Variants in CLASP2 observed in about 807,000 individuals in gnomAD.
CLASP2 encodes cytoplasmic linker associated protein 2, also known as CLIP-associating protein 2.
In CLASP2, 47 loss-of-function variants were observed where a neutral mutation model predicts 194.4. The ratio of observed to expected loss-of-function variants is 0.24; its 90% CI spans 0.19 to 0.31. The LOEUF (loss-of-function observed/expected upper bound fraction) is 0.31, where lower values mean the gene tolerates loss of function less well. Ranked by LOEUF, CLASP2 falls within the 10% of genes least tolerant of loss-of-function variation. The probability of loss-of-function intolerance (pLI) is 1.00; values close to 1 mark genes in which losing one functional copy is unlikely to be tolerated. For synonymous variants in CLASP2, 619 were observed against 633.5 expected (o/e 0.98, Z 0.34); for missense variants, 1,445 against 1,823.6 (o/e 0.79, Z 3.78).
At chr3:33,572,965 A>C (rs2064104203) in intron 25 of CLASP2, 145 bp downstream of exon 25, 3 of 828,898 alleles carry the variant, frequency 3.6e-6, no homozygotes, top group Non-Finnish European at 5.5e-6. Context: ...AAAAGACTGA[A>C]GCTTTGGAAA....
intron 24 of CLASP2, 183 bp from the exon 25 acceptor site, chr3:33,573,537 T>C: frequency 1.4e-6 from 1 of 700,546 alleles, no homozygotes; most frequent in Admixed American, 2.2e-5. Context: ...TAGAAGTTAG[T>C]AGAAGGTAAA....
In CLASP2 at chr3:33,531,146, T is replaced by C. The variant is rs150592779; in HGVS notation, c.3787+4087A>G. On this transcript the variant is annotated intron_variant, in intron 34 of 38. Coordinates refer to ENST00000682230, the MANE Select transcript of CLASP2 (RefSeq NM_001365631.1). ...TAAAGACAGACACATAGAACAAGAA[T>C]AGAATATACAGCCCCCAAAGGCACA... Among the ~76,000 whole-genome samples, 100 of 152,070 alleles carry C rather than the reference T, an allele frequency of 6.6e-4. No individual in the cohort carries two copies. The East Asian group carries it at 0.017, about 26-fold the overall frequency.
At chr3:33,672,560 A>G (rs1043957747) in intron 6 of CLASP2, among the ~76,000 whole-genome samples, 7 of 152,234 alleles carry the variant, frequency 4.6e-5, no homozygotes, top group African/African-American at 1.7e-4. Context: ...AAAGGAACGC[A>G]GTTCCTCACC....
At chr3:33,674,497 T>G (rs998316759) in intron 6 of CLASP2, among the ~76,000 whole-genome samples, 2 of 150,872 alleles carry the variant, frequency 1.3e-5, no homozygotes, top group Non-Finnish European at 1.5e-5. Flanking sequence ...AGATCCAAAA[T>G]TGACACCCTA....
At chr3:33,518,560 T>C (rs2052088438) in intron 34 of CLASP2, among the ~76,000 whole-genome samples, 1 of 152,206 alleles carries the variant, frequency 6.6e-6, no homozygotes, top group African/African-American at 2.4e-5. Flanking sequence ...ACAAGAACTA[T>C]TGCCAGCAGG....
intron 37 of CLASP2, among the ~76,000 whole-genome samples, chr3:33,507,328 T>A (rs955381362): frequency 5.9e-5 from 9 of 152,214 alleles, no homozygotes; most frequent in African/African-American, 2.2e-4. Flanking sequence ...ATTTGGCAGT[T>A]TTCCTCATAG....
At chr3:33,604,359 C>G (rs1157677951) in intron 16 of CLASP2, 150 bp from the exon 17 acceptor site, 1 of 626,072 alleles carries the variant, frequency 1.6e-6, no homozygotes, top group Non-Finnish European at 2.8e-6. Context: ...GCTGTGTCAC[C>G]CAGGCTACAG....
intron 7 of CLASP2, among the ~76,000 whole-genome samples, chr3:33,657,845 T>C (rs1431753759): frequency 1.3e-5 from 2 of 152,170 alleles, no homozygotes; most frequent in Non-Finnish European, 2.9e-5. Flanking sequence ...CATTTTGATA[T>C]ATTTGTATCC....
Position 33,535,412 on chromosome 3 carries a change from G to T in CLASP2, c.3608C>A (p.Thr1203Asn), listed in dbSNP as rs938636647. 1 of 1,613,880 alleles carries T rather than the reference G, an allele frequency of 6.2e-7. No individual in the cohort carries two copies. Among genetic ancestry groups the T allele is most frequent in the Admixed American group, 1.7e-5 (1 of 60,002 alleles). ...ATCAAGAGCTGTTTGACTTGAGTCAGTAGCATCACCTCCTGCTCTTGGGTC... is the reference window on the plus strand; with the variant it reads ...ATCAAGAGCTGTTTGACTTGAGTCATTAGCATCACCTCCTGCTCTTGGGTC... ...MSDPRAGGDA[T>N]DSSQTALDNK... The change falls in exon 34 of 39, where the codon ACT (threonine) becomes AAT (asparagine). Residue 1203 changes from threonine (T) to asparagine (N), a missense_variant. Physicochemically the swap from Thr to Asn is moderately conservative, Grantham distance 65 (BLOSUM62 0). Around this residue, in one of 4 missense-constraint regions of CLASP2, gnomAD observed 732 missense variants for 987.9 expected, o/e 0.74. Coordinates refer to ENST00000682230, the MANE Select transcript of CLASP2 (RefSeq NM_001365631.1).
chr3:33,539,888 G>A (rs1211317783), intron 32 of CLASP2, among the ~76,000 whole-genome samples: 1 of 150,692 alleles, frequency 6.6e-6, no homozygotes, highest in African/African-American at 2.4e-5. Flanking sequence ...AAATTTGTAA[G>A]AAGATAGAGG....
Position 33,687,068 on chromosome 3 carries a change from T to TG in CLASP2, c.537dup (p.Asn180GlnfsTer17). ...TGTAAATAAAATTTTACCTGACTGTTGGAGTCTCCAAACAGGATACACAAA... is the reference window on the plus strand; with the variant it reads ...TGTAAATAAAATTTTACCTGACTGTTGGGAGTCTCCAAACAGGATACACAAA... On this transcript the variant is annotated frameshift_variant, in exon 5 of 39. Coordinates refer to ENST00000682230, the MANE Select transcript of CLASP2 (RefSeq NM_001365631.1). LOFTEE classifies it high-confidence loss of function. 1 of 1,587,650 alleles carries TG rather than the reference T, an allele frequency of 6.3e-7. No homozygotes were observed. Among genetic ancestry groups the TG allele is most frequent in the Non-Finnish European group, 8.6e-7 (1 of 1,165,920 alleles).
chr3:33,707,748 TG>T (rs1201944341), intron 1 of CLASP2, among the ~76,000 whole-genome samples: 1 of 152,142 alleles, frequency 6.6e-6, no homozygotes, highest in African/African-American at 2.4e-5. Context: ...GAAAAACAGA[TG>T]GAACAGTCAA....
At chr3:33,586,676 A>G (rs1451511764) in intron 21 of CLASP2, among the ~76,000 whole-genome samples, 1 of 152,224 alleles carries the variant, frequency 6.6e-6, no homozygotes, top group Non-Finnish European at 1.5e-5. Context: ...ATCTAAATGT[A>G]GATTCAGAAA....
chr3:33,550,079 A>G (rs2059761283), intron 30 of CLASP2, among the ~76,000 whole-genome samples: 1 of 152,078 alleles, frequency 6.6e-6, no homozygotes, highest in African/African-American at 2.4e-5. Flanking sequence ...ATAATTCACC[A>G]GAAAAGAAAG....
chr3:33,670,689 G>C (rs1182187450), intron 6 of CLASP2, among the ~76,000 whole-genome samples: 1 of 152,090 alleles, frequency 6.6e-6, no homozygotes, highest in Non-Finnish European at 1.5e-5. Context: ...CCAGTGCCAG[G>C]GTAGGAAAAC....
intron 10 of CLASP2, among the ~76,000 whole-genome samples, chr3:33,625,561 CTCTT>C (rs1377341295): frequency 2.0e-5 from 3 of 148,346 alleles, no homozygotes; most frequent in African/African-American, 4.9e-5. Flanking sequence ...TATGATCTCT[CTCTT>C]TTTTTTTTTT....
chr3:33,509,794 A>G lies in CLASP2; in HGVS notation c.4317+764T>C, dbSNP rs761127987. ...TTATAAAACACATCTCATTTTTGTT[A>G]AAATGTTTCTATGATGGGGTTTATG... On this transcript the variant is annotated intron_variant, in intron 37 of 38. Coordinates refer to ENST00000682230, the MANE Select transcript of CLASP2 (RefSeq NM_001365631.1). Among the ~76,000 whole-genome samples, 76 of 152,194 alleles carry G rather than the reference A, an allele frequency of 5.0e-4. 1 individual carries two copies. Among genetic ancestry groups the G allele is most frequent in the Non-Finnish European group, 2.6e-4 (18 of 68,030 alleles).
At chr3:33,539,135 C>T (rs1232599823) in intron 32 of CLASP2, among the ~76,000 whole-genome samples, 193 bp from the exon 33 acceptor site, 1 of 152,090 alleles carries the variant, frequency 6.6e-6, no homozygotes, top group African/African-American at 2.4e-5. Flanking sequence ...CCAAGGACAC[C>T]TTACAGTTAC....
intron 6 of CLASP2, among the ~76,000 whole-genome samples, chr3:33,670,862 T>A (rs1490121653): frequency 2.0e-5 from 3 of 152,160 alleles, no homozygotes; most frequent in Non-Finnish European, 2.9e-5. Context: ...CAAAATCCTA[T>A]CATGTTTCCA....
Sources: allele counts gnomAD v4.1 joint callset (sites outside exome capture counted in the v4.1 genomes callset), GRCh38; gene constraint gnomAD v4.1.1; regional missense constraint gnomAD v4.1.1; transcripts MANE v1.5; gene names NCBI Gene and HGNC (gene_info 2026-07-23, HGNC 2026-07-21).